Variants in ERC2 observed in about 807,000 individuals in gnomAD.
The protein encoded by ERC2 is ELKS/RAB6-interacting/CAST family member 2.
A neutral mutation model predicts 114.8 loss-of-function variants in ERC2; 42 were observed. That is an observed-to-expected ratio of 0.37 (90% CI 0.29 to 0.47). ERC2 has a LOEUF of 0.47. Ranked by LOEUF, ERC2 falls within the 20% of genes least tolerant of loss-of-function variation. ERC2 has a pLI of 0.99. For synonymous variants in ERC2, 454 were observed against 425.5 expected, an observed-to-expected ratio of 1.07 and a Z score of -0.82; for missense variants, 939 against 1,150.7, an observed-to-expected ratio of 0.82 and a Z score of 2.66.
rs1200200500 is a variant in ERC2, at chr3:55,783,461, C to T, written c.2565-48543G>A. On this transcript the variant is annotated intron_variant, in intron 14 of 17. Coordinates refer to ENST00000288221, the MANE Select transcript of ERC2 (RefSeq NM_015576.3). The stretch of plus-strand genomic sequence containing the variant: ...TTATTTCTCTGAATCCAACAGTCCA[C>T]CTGTCATTGTTACATTTACTAGCAC... Among the ~76,000 whole-genome samples, 6 of 152,330 alleles carry T rather than the reference C, an allele frequency of 3.9e-5. No homozygotes were observed. The East Asian group carries it at 9.6e-4, about 24-fold the overall frequency.
At chr3:56,454,308 G>A (rs567977660) in intron 1 of ERC2, among the ~76,000 whole-genome samples, 5 of 152,224 alleles carry the variant, frequency 3.3e-5, no homozygotes, top group South Asian at 2.1e-4. Flanking sequence ...AGTGCCTATC[G>A]ATGTCCCTCT....
intron 3 of ERC2, among the ~76,000 whole-genome samples, chr3:56,201,139 C>T (rs2048380241): frequency 6.6e-6 from 1 of 152,108 alleles, no homozygotes; most frequent in South Asian, 2.1e-4. Flanking sequence ...CCCTTCTCTC[C>T]CCATCCTATC....
At chr3:56,374,541 G>C (rs34967455) in intron 2 of ERC2, among the ~76,000 whole-genome samples, 2 of 151,956 alleles carry the variant, frequency 1.3e-5, no homozygotes, top group Non-Finnish European at 2.9e-5. Flanking sequence ...TCCTCCCCTA[G>C]ACCTTAAAGA....
At chr3:56,055,380 C>T (rs144880981) in intron 7 of ERC2, among the ~76,000 whole-genome samples, 1 of 152,284 alleles carries the variant, frequency 6.6e-6, no homozygotes, top group East Asian at 1.9e-4. Flanking sequence ...AAGTCATTTT[C>T]CTCCCTTCCA....
intron 6 of ERC2, among the ~76,000 whole-genome samples, chr3:56,081,706 G>T (rs1053714798): frequency 1.3e-4 from 19 of 151,354 alleles, no homozygotes; most frequent in East Asian, 1.9e-4. Flanking sequence ...TTAACATTCT[G>T]AAGCCCATGT....
intron 2 of ERC2, among the ~76,000 whole-genome samples, chr3:56,339,531 C>T (rs1285705120): frequency 6.6e-6 from 1 of 152,048 alleles, no homozygotes; most frequent in Non-Finnish European, 1.5e-5. Flanking sequence ...TCTGACTTCA[C>T]ATAGGCAAAG....
chr3:56,306,305 A>G (rs2056223892), intron 2 of ERC2, among the ~76,000 whole-genome samples: 1 of 152,216 alleles, frequency 6.6e-6, no homozygotes, highest in African/African-American at 2.4e-5. Context: ...AGCACAACAG[A>G]CACATACAAG....
At chr3:56,351,018 CAGGTCCGCCT>C (rs1165270020) in intron 2 of ERC2, among the ~76,000 whole-genome samples, 1 of 152,160 alleles carries the variant, frequency 6.6e-6, no homozygotes, top group African/African-American at 2.4e-5. Flanking sequence ...AATTGAACTT[CAGGTCCGCCT>C]AGTTCCAAAG....
At chr3:55,851,461 C>T (rs759278957) in intron 14 of ERC2, among the ~76,000 whole-genome samples, 11 of 152,164 alleles carry the variant, frequency 7.2e-5, no homozygotes, top group Non-Finnish European at 1.2e-4. Context: ...TGACACACAA[C>T]GCATTCCAAG....
At position 56,313,779 on chromosome 3, in the gene ERC2, C is replaced by T. The variant is rs114678062; in HGVS notation, c.658-17344G>A. On this transcript the variant is annotated intron_variant, in intron 2 of 17. Transcript: ENST00000288221. ...AGCATCAATAGGCTGTGGCAGCTGA[C>T]CCTCACCATCAGAAGCTACTCCAAG... Among the ~76,000 whole-genome samples, 1,380 of 152,292 alleles carry T rather than the reference C, an allele frequency of 9.1e-3. 19 individuals are homozygous for T. Among genetic ancestry groups the T allele is most frequent in the African/African-American group, 0.03 (1,258 of 41,558 alleles).
intron 14 of ERC2, among the ~76,000 whole-genome samples, chr3:55,803,986 C>T (rs1016252427): frequency 7.2e-5 from 11 of 152,048 alleles, no homozygotes; most frequent in African/African-American, 2.4e-4. Flanking sequence ...ACATGTGCTC[C>T]GGCAGTCACT....
Position 55,701,547 on chromosome 3 carries a change from T to TA in ERC2, c.2713-2036dup, listed in dbSNP as rs914882968. On this transcript the variant is annotated intron_variant, in intron 15 of 17. Coordinates refer to ENST00000288221, the MANE Select transcript of ERC2 (RefSeq NM_015576.3). ...ATTTGAAAGGCCCCAAAGTGAATGT[T>TA]AAAAAAAAACTGTCTATATGAATAA... Among the ~76,000 whole-genome samples the TA allele has an allele frequency of 7.9e-4, 120 of 151,344 alleles. 1 individual carries two copies. The highest frequency in any genetic ancestry group is 2.6e-3 in the African/African-American group (107 of 41,252).
At chr3:55,713,191 C>T (rs1401924940) in intron 15 of ERC2, among the ~76,000 whole-genome samples, 1 of 145,264 alleles carries the variant, frequency 6.9e-6, no homozygotes, top group African/African-American at 2.6e-5. Flanking sequence ...TAAGTATATA[C>T]TTCATTCTTT....
At chr3:56,275,838 G>A (rs138227091) in intron 3 of ERC2, among the ~76,000 whole-genome samples, 1 of 152,240 alleles carries the variant, frequency 6.6e-6, no homozygotes, top group East Asian at 1.9e-4. Context: ...CATGACTTGG[G>A]GGAGTAATGC....
chr3:55,547,109 C>A (rs568658354), intron 17 of ERC2, among the ~76,000 whole-genome samples: 1 of 152,382 alleles, frequency 6.6e-6, no homozygotes, highest in East Asian at 1.9e-4. Flanking sequence ...TTAGCAAAGA[C>A]AGCAGGGGAT....
At chr3:55,733,536 T>TCACACACA (rs1388408863) in intron 15 of ERC2, among the ~76,000 whole-genome samples, 8 of 68,636 alleles carry the variant, frequency 1.2e-4, no homozygotes, top group Admixed American at 1.5e-4. Context: ...ATTCTTTCTC[T>TCACACACA]CTCTCTCACA....
Position 55,941,650 on chromosome 3 carries a change from A to G in ERC2, c.2403+8775T>C, listed in dbSNP as rs566913577. On this transcript the variant is annotated intron_variant, in intron 13 of 17. Transcript: ENST00000288221. ...CTTGGCCTACTTCATTGCTCAATAA[A>G]AAGCAGCTATTATTCTTTTGGTTGA... Among the ~76,000 whole-genome samples the G allele has an allele frequency of 5.9e-5, 9 of 152,322 alleles. No individual in the cohort carries two copies. In the South Asian group the frequency reaches 1.9e-3, roughly 32 times the overall value.
intron 12 of ERC2, among the ~76,000 whole-genome samples, chr3:55,957,825 G>T (rs936861410): frequency 6.6e-6 from 1 of 152,182 alleles, no homozygotes. Flanking sequence ...CAGGAAATGC[G>T]GTGGTACCTG....
chr3:55,819,968 G>T (rs551231808), intron 14 of ERC2, among the ~76,000 whole-genome samples: 1 of 152,298 alleles, frequency 6.6e-6, no homozygotes, highest in East Asian at 1.9e-4. Flanking sequence ...TTAGCCTCTT[G>T]CAGGTGTAAT....
Sources: gnomAD v4.1 joint callset for allele counts (sites outside exome capture counted in the v4.1 genomes callset) on GRCh38, gnomAD v4.1.1 for gene constraint, MANE v1.5 for transcripts, NCBI Gene and HGNC (gene_info 2026-07-23, HGNC 2026-07-21) for gene names.